The following RNASET2 variants were observed in gnomAD, a reference collection of about 807,000 sequenced individuals.
RNASET2 encodes the protein ribonuclease 6.
In RNASET2, 28 loss-of-function variants were observed where a neutral mutation model predicts 33.9. The ratio of observed to expected loss-of-function variants is 0.83; its 90% CI spans 0.61 to 1.13. RNASET2 has a LOEUF of 1.13. Ranked by LOEUF, RNASET2 falls within the 50% of genes most tolerant of loss-of-function variation. RNASET2 has a pLI of 0.00. For missense variants in RNASET2, 330 were observed against 319.9 expected (o/e 1.03, Z -0.24); for synonymous variants, 123 against 121.0 (o/e 1.02, Z -0.11).
At chr6:166,949,040 C>T (rs1013480462) in intron 2 of RNASET2, among the ~76,000 whole-genome samples, 1 of 151,816 alleles carries the variant, frequency 6.6e-6, no homozygotes, top group African/African-American at 2.4e-5. Context: ...CCTGGTGAAA[C>T]CCCATCTCTA....
chr6:166,928,736 G>C lies in RNASET2; in HGVS notation c.*852C>G, dbSNP rs930068712. On this transcript the variant is annotated 3_prime_UTR_variant, in exon 9 of 9. Transcript: ENST00000508775. ...ACTCCACGAGTGAAATCCCTGCACG[G>C]CAGGCCGAGAGCGTGGGTGCAGCAG... is the stretch of plus-strand genomic sequence containing the variant. Among the ~76,000 whole-genome samples the C allele has an allele frequency of 2.6e-5, 4 of 152,202 alleles. No homozygotes were observed. Among genetic ancestry groups the C allele is most frequent in the African/African-American group, 9.6e-5 (4 of 41,452 alleles).
Position 166,933,136 on chromosome 6 carries a change from C to T in RNASET2, c.492+955G>A, listed in dbSNP as rs1190883306. ...TTCAACCTTTTTCTAAATCCACAAC[C>T]TGTGATAAATACGAAAACTATCTCA... On this transcript the variant is annotated intron_variant, in intron 7 of 8. Coordinates refer to ENST00000508775, the MANE Select transcript of RNASET2 (RefSeq NM_003730.6). This position sits in a 1 kb window ranked among gnomAD's most constrained non-coding sequence, Gnocchi z 4.1. 6.6e-6 allele frequency: 1 copy of T among 152,234 alleles called. No individual in the cohort carries two copies. Among genetic ancestry groups the T allele is most frequent in the Non-Finnish European group, 1.5e-5 (1 of 68,044 alleles). 9.4% of individuals were successfully genotyped at this position (152,234 alleles called of 1,614,324 possible).
chr6:166,936,121 C>T (rs191746903), intron 6 of RNASET2, among the ~76,000 whole-genome samples: 464 of 152,330 alleles, frequency 3.0e-3, no homozygotes, highest in Middle Eastern at 0.017. Flanking sequence ...TTATAGATTT[C>T]CCTTGGAGAA....
At position 166,956,079 on chromosome 6, in the gene RNASET2, C is replaced by G. The variant is rs1163450770; in HGVS notation, c.86+18G>C. 1 of 1,550,754 alleles carries G rather than the reference C, an allele frequency of 6.4e-7. No homozygotes were observed. Among genetic ancestry groups the G allele is most frequent in the East Asian group, 2.4e-5 (1 of 40,890 alleles). ...CCCGGCTCCCACGCTCCCCACTTTA[C>G]CTCGCAAGGTAACTCACCGCAGGCG... On this transcript the variant is annotated intron_variant, in intron 1 of 8. Coordinates refer to ENST00000508775, the MANE Select transcript of RNASET2 (RefSeq NM_003730.6).
intron 3 of RNASET2, among the ~76,000 whole-genome samples, chr6:166,947,035 G>A (rs937139568): frequency 1.6e-4 from 24 of 152,032 alleles, no homozygotes; most frequent in South Asian, 4.2e-4. Context: ...ACCGAGGAGC[G>A]GGGACTCTGG....
chr6:166,930,901 C>T (rs528583846), intron 8 of RNASET2, 143 bp downstream of exon 8: 20 of 732,838 alleles, frequency 2.7e-5, no homozygotes, highest in African/African-American at 2.6e-4. Context: ...CACATGCACA[C>T]ACACACCACA....
chr6:166,926,704 G>A lies in RNASET2; in HGVS notation c.*2884C>T, dbSNP rs905351272. On this transcript the variant is annotated 3_prime_UTR_variant, in exon 9 of 9. Transcript: ENST00000508775. ...CTCCCAGGCCAAGAGAAATGCTCTTGGGTACAGCAATAGCCCTGCTGAGAA... is the reference window on the plus strand; with the variant it reads ...CTCCCAGGCCAAGAGAAATGCTCTTAGGTACAGCAATAGCCCTGCTGAGAA... Among the ~76,000 whole-genome samples, 1 of 152,168 alleles carries A rather than the reference G, an allele frequency of 6.6e-6. No homozygotes were observed. The highest frequency in any genetic ancestry group is 2.4e-5 in the African/African-American group (1 of 41,422).
At position 166,931,035 on chromosome 6, in the gene RNASET2, C is replaced by T. The variant is rs1778424595; in HGVS notation, c.567+9G>A. The T allele has an allele frequency of 6.3e-7, 1 of 1,597,480 alleles. No individual in the cohort carries two copies. Among genetic ancestry groups the T allele is most frequent in the Non-Finnish European group, 8.6e-7 (1 of 1,164,842 alleles). On this transcript the variant is annotated intron_variant, in intron 8 of 8. Coordinates refer to ENST00000508775, the MANE Select transcript of RNASET2 (RefSeq NM_003730.6). ...AGAAAAAAAGGAAGACAAAACATAA[C>T]TGTCTAACCTGGCTTGGTGGAAGGC...
At position 166,956,101 on chromosome 6, in the gene RNASET2, G is replaced by A. The variant is rs375249353; in HGVS notation, c.82C>T (p.Leu28=). 3.9e-6 allele frequency: 6 copies of A among 1,552,106 alleles called. No individual in the cohort carries two copies. The African/African-American group carries it at 8.2e-5, about 21-fold the overall frequency. The part of the protein sequence containing the change: ...LLCLGGADKR[L]RDNHEWKKLI... ...TTACCTCGCAAGGTAACTCACCGCA[G>A]GCGCTTGTCCGCACCGCCCAGGCAA... Residue 28 remains leucine, a synonymous_variant, in exon 1 of 9, where the codon CTG becomes TTG. Transcript: ENST00000508775.
intron 1 of RNASET2, among the ~76,000 whole-genome samples, chr6:166,954,349 A>T (rs9459813): frequency 0.1 from 15,841 of 152,256 alleles, 926 homozygotes; most frequent in Non-Finnish European, 0.11. Flanking sequence ...GGGGATCCAC[A>T]TATGACAGCC....
intron 5 of RNASET2, among the ~76,000 whole-genome samples, chr6:166,939,374 C>T (rs1055981855): frequency 6.6e-6 from 1 of 152,130 alleles, no homozygotes; most frequent in Non-Finnish European, 1.5e-5. Context: ...AATGCTCAAG[C>T]ATGTTTTCTC....
Position 166,926,520 on chromosome 6 carries a change from T to A in RNASET2, c.*3068A>T, listed in dbSNP as rs1426276888. 8.0e-6 allele frequency among the ~76,000 whole-genome samples: 1 copy of A among 125,378 alleles called. No individual in the cohort carries two copies. The highest frequency in any genetic ancestry group is 1.7e-5 in the Non-Finnish European group (1 of 60,550). 82.3% of individuals were successfully genotyped at this position (125,378 alleles called of 152,430 possible). ...CTGCACTCCAGCCTGGGCGACAGAG[T>A]GAGACTCAGTCTCAAAAAAAAAAAA... On this transcript the variant is annotated 3_prime_UTR_variant, in exon 9 of 9. Transcript: ENST00000508775.
chr6:166,931,169 T>G, intron 7 of RNASET2, 51 bp from the exon 8 acceptor site: 1 of 1,302,468 alleles, frequency 7.7e-7, no homozygotes, highest in Non-Finnish European at 1.1e-6. Context: ...AGAAAAGATC[T>G]GACAGTTCTG....
chr6:166,946,617 C>T (rs996530260), intron 4 of RNASET2, 65 bp downstream of exon 4: 74 of 892,788 alleles, frequency 8.3e-5, no homozygotes, highest in Non-Finnish European at 1.2e-4. Flanking sequence ...TGAAGGTACG[C>T]TTGTGAAGAA....
chr6:166,947,683 C>T (rs763985714), intron 3 of RNASET2, among the ~76,000 whole-genome samples: 5 of 152,136 alleles, frequency 3.3e-5, no homozygotes, highest in Non-Finnish European at 5.9e-5. Context: ...AGCCAAGTAC[C>T]TACATCCCAG....
chr6:166,943,086 G>A lies in RNASET2; in HGVS notation c.265C>T (p.Leu89Phe). The stretch of plus-strand genomic sequence containing the variant: ...CAGTATGCCCTCATTTCTGGCAAAA[G>A]ATCCTATGCATTAAAAAATAAAATA... The part of the protein sequence containing the change: ...WPFNLEEIKD[L>F]LPEMRAYWPD... The change falls in exon 5 of 9, where the codon CTT (leucine) becomes TTT (phenylalanine). Residue 89 changes from leucine (L) to phenylalanine (F), a missense_variant. By Grantham distance (22) the Leu-to-Phe change is conservative (BLOSUM62 0). Coordinates refer to ENST00000508775, the MANE Select transcript of RNASET2 (RefSeq NM_003730.6). 1 of 1,611,790 alleles carries A rather than the reference G, an allele frequency of 6.2e-7. No individual in the cohort carries two copies. The highest frequency in any genetic ancestry group is 8.5e-7 in the Non-Finnish European group (1 of 1,178,358).
chr6:166,955,728 G>T, intron 1 of RNASET2: 4 of 1,130,128 alleles, frequency 3.5e-6, no homozygotes, highest in Non-Finnish European at 4.4e-6. Context: ...AGTGTTCAGG[G>T]CTCCCCAACC....
chr6:166,952,764 A>T (rs1583236295), intron 1 of RNASET2: 1 of 545,992 alleles, frequency 1.8e-6, no homozygotes, highest in Non-Finnish European at 3.4e-6. Flanking sequence ...TGAGTGGCGG[A>T]GAACATGAAT....
chr6:166,932,654 T>G (rs1778476124), intron 7 of RNASET2: 1 of 152,202 alleles, frequency 6.6e-6, no homozygotes, highest in Non-Finnish European at 1.5e-5. Context: ...TGATGATAAA[T>G]CAAACTCCTT....
Sources: gnomAD v4.1 joint callset for allele counts (sites outside exome capture counted in the v4.1 genomes callset) on GRCh38, gnomAD v4.1.1 for gene constraint, Gnocchi (gnomAD v3.1) non-coding constraint, MANE v1.5 for transcripts, NCBI Gene and HGNC (gene_info 2026-07-23, HGNC 2026-07-21) for gene names.